ADGRL2: variants seen among roughly 807,000 people sequenced by gnomAD.
The protein encoded by ADGRL2 is calcium-independent alpha-latrotoxin receptor 2.
In ADGRL2, 44 loss-of-function variants were observed where a neutral mutation model predicts 157.4. The observed-to-expected ratio is 0.28, with a 90% CI of 0.22 to 0.36. The LOEUF (loss-of-function observed/expected upper bound fraction) is 0.36. Ranked by LOEUF, ADGRL2 falls within the 10% of genes least tolerant of loss-of-function variation. ADGRL2 has a pLI of 1.00. For synonymous variants in ADGRL2, 585 were observed against 624.7 expected (o/e 0.94, Z 0.95); for missense variants, 1,510 against 1,768.9 (o/e 0.85, Z 2.63).
At chr1:81,715,329 ATT>A (rs1171614650) in intron 1 of ADGRL2, among the ~76,000 whole-genome samples, 1 of 151,960 alleles carries the variant, frequency 6.6e-6, no homozygotes, top group African/African-American at 2.4e-5. Flanking sequence ...ATATATATAT[ATT>A]CTTGAGTAAA....
intron 2 of ADGRL2, among the ~76,000 whole-genome samples, chr1:81,848,679 A>C (rs1007863105): frequency 6.6e-6 from 1 of 151,956 alleles, no homozygotes; most frequent in Non-Finnish European, 1.5e-5. Flanking sequence ...AATTATGTAG[A>C]GTACAGGAGG....
intron 2 of ADGRL2, among the ~76,000 whole-genome samples, chr1:81,578,146 TAATAGTTATAC>T: frequency 6.6e-6 from 1 of 152,304 alleles, no homozygotes; most frequent in Non-Finnish European, 1.5e-5. Flanking sequence ...GATAGCTTTG[TAATAGTTATAC>T]AATGGGGAAA....
At chr1:81,379,287 G>T (rs1036167062) in intron 1 of ADGRL2, among the ~76,000 whole-genome samples, 2 of 152,168 alleles carry the variant, frequency 1.3e-5, no homozygotes, top group African/African-American at 4.8e-5. Context: ...GTGGGGCTCC[G>T]ACCCCATGGC....
intron 2 of ADGRL2, among the ~76,000 whole-genome samples, chr1:81,777,062 T>C (rs190606440): frequency 6.6e-5 from 10 of 152,306 alleles, no homozygotes; most frequent in Non-Finnish European, 1.5e-4. Flanking sequence ...TTCTTTCAGC[T>C]TTCTCTCACA....
At chr1:81,818,264 A>G (rs1397275392) in intron 1 of ADGRL2, among the ~76,000 whole-genome samples, 1 of 152,192 alleles carries the variant, frequency 6.6e-6, no homozygotes, top group Non-Finnish European at 1.5e-5. Context: ...CTCTTGAAGT[A>G]TGTTATGCTT....
At chr1:81,606,348 T>C (rs1326913369) in intron 3 of ADGRL2, among the ~76,000 whole-genome samples, 1 of 152,238 alleles carries the variant, frequency 6.6e-6, no homozygotes, top group Non-Finnish European at 1.5e-5. Context: ...AGCCAAATTT[T>C]GGTCATTAGC....
intron 1 of ADGRL2, among the ~76,000 whole-genome samples, chr1:81,405,115 T>C (rs1184749105): frequency 2.0e-5 from 3 of 152,192 alleles, no homozygotes; most frequent in Non-Finnish European, 4.4e-5. Flanking sequence ...CCCTGAATTT[T>C]ATGACGGTGC....
chr1:81,742,640 A>T (rs2085109948), intron 1 of ADGRL2, among the ~76,000 whole-genome samples: 1 of 152,014 alleles, frequency 6.6e-6, no homozygotes, highest in Non-Finnish European at 1.5e-5. Context: ...TCAACACTCC[A>T]GAAAAGAGAC....
At chr1:81,403,799 AT>A (rs200477492) in intron 1 of ADGRL2, among the ~76,000 whole-genome samples, 2,134 of 139,198 alleles carry the variant, frequency 0.015, 32 homozygotes, top group African/African-American at 0.044. Flanking sequence ...AATGTCTTTG[AT>A]TTTTTTTTTT....
At chr1:81,973,603 A>C (rs3790881) in intron 17 of ADGRL2, among the ~76,000 whole-genome samples, 27,633 of 152,210 alleles carry the variant, frequency 0.18, 3,276 homozygotes, top group East Asian at 0.63. Context: ...CAACATACTC[A>C]GCTTTTAGTA....
chr1:81,627,398 C>G (rs1168059854), intron 3 of ADGRL2, among the ~76,000 whole-genome samples: 1 of 152,070 alleles, frequency 6.6e-6, no homozygotes, highest in Non-Finnish European at 1.5e-5. Context: ...AGCTGACTTT[C>G]CAAGTCATTG....
intron 2 of ADGRL2, chr1:81,557,537 A>C (rs1334177277): frequency 6.6e-6 from 1 of 152,138 alleles, no homozygotes; most frequent in Non-Finnish European, 1.5e-5. Flanking sequence ...GAAGAAAGAA[A>C]GAAAGCAAGA....
At chr1:81,877,506 AT>A (rs1170391651) in intron 2 of ADGRL2, among the ~76,000 whole-genome samples, 6 of 152,140 alleles carry the variant, frequency 3.9e-5, no homozygotes, top group African/African-American at 1.4e-4. Flanking sequence ...TTGTTTCAGT[AT>A]TTTAATGTGT....
chr1:81,618,147 C>T (rs931895893), intron 3 of ADGRL2, among the ~76,000 whole-genome samples: 1 of 151,768 alleles, frequency 6.6e-6, no homozygotes, highest in East Asian at 1.9e-4. Flanking sequence ...ATCATTAAAT[C>T]GGTATATTAA....
chr1:81,689,072 CTGGTGGACG>C (rs2083282969), intron 3 of ADGRL2, among the ~76,000 whole-genome samples: 1 of 152,168 alleles, frequency 6.6e-6, no homozygotes, highest in Admixed American at 6.5e-5. Flanking sequence ...AGTGCCTGTT[CTGGTGGACG>C]TGGTGAAGGG....
chr1:81,991,245 C>T lies in ADGRL2; in HGVS notation c.*100C>T, dbSNP rs1664553191. 3 of 1,099,274 alleles carry T rather than the reference C, an allele frequency of 2.7e-6. No individual in the cohort carries two copies. The highest frequency in any genetic ancestry group is 4.8e-5 in the East Asian group (2 of 41,762). The allele number at this position is 1,099,274 out of a possible 1,614,324, so 68.1% of individuals were successfully genotyped here. ...CCTCAAACTCTGCTTGAAGAGATGA[C>T]TCTTGACCTGTGGTTCTCTGGTGTA... On this transcript the variant is annotated 3_prime_UTR_variant, in exon 24 of 24. Coordinates refer to ENST00000686636, the MANE Select transcript of ADGRL2 (RefSeq NM_001366006.2).
chr1:81,676,556 C>T (rs957087903), intron 3 of ADGRL2, among the ~76,000 whole-genome samples: 1 of 152,162 alleles, frequency 6.6e-6, no homozygotes, highest in Non-Finnish European at 1.5e-5. Context: ...CTACCTTGGC[C>T]TCCCAAAGTG....
At chr1:81,395,437 G>T (rs1475099636) in intron 1 of ADGRL2, among the ~76,000 whole-genome samples, 1 of 152,064 alleles carries the variant, frequency 6.6e-6, no homozygotes, top group Non-Finnish European at 1.5e-5. Flanking sequence ...TGCATATTCT[G>T]GTTAGTAATA....
At chr1:81,899,384 C>T (rs2094448868) in intron 2 of ADGRL2, among the ~76,000 whole-genome samples, 1 of 152,090 alleles carries the variant, frequency 6.6e-6, no homozygotes, top group Non-Finnish European at 1.5e-5. Context: ...AGGAATTACC[C>T]CTGAATGTGA....
Sources: gnomAD v4.1 joint callset for allele counts (sites outside exome capture counted in the v4.1 genomes callset) on GRCh38, gnomAD v4.1.1 for gene constraint, MANE v1.5 for transcripts, NCBI Gene and HGNC (gene_info 2026-07-23, HGNC 2026-07-21) for gene names.